Variants in INO80C observed in about 807,000 individuals in gnomAD.
INO80C encodes INO80 complex subunit C, also known as IES6 homolog.
Under a neutral mutation model 17.7 loss-of-function variants are expected in INO80C, and 17 were observed. That is an observed-to-expected ratio of 0.96 (90% CI 0.66 to 1.44). INO80C has a LOEUF of 1.44. Ranked by LOEUF, INO80C falls within the 40% of genes most tolerant of loss-of-function variation. The probability of loss-of-function intolerance (pLI) is 0.00; values close to 1 mark genes in which losing one functional copy is unlikely to be tolerated. For missense variants in INO80C, 244 were observed against 245.0 expected (o/e 1.00, Z 0.03); for synonymous variants, 96 against 95.8 (o/e 1.00, Z -0.01).
At chr18:35,497,413 GAC>G in intron 1 of INO80C, 1 of 1,138,472 alleles carries the variant, frequency 8.8e-7, no homozygotes, top group African/African-American at 1.6e-5. Context: ...CTGAATGACT[GAC>G]ACTCATTAGT....
chr18:35,486,786 TA>T lies in INO80C; in HGVS notation c.157-6224del, dbSNP rs374753662. ...GGCAACATAGCAATACCCAATTTCT[TA>T]AAAAAAAAAAAAAAAAAAAAAAAAT... On this transcript the variant is annotated intron_variant, in intron 1 of 4. Coordinates refer to ENST00000334598, the MANE Select transcript of INO80C (RefSeq NM_194281.4). Among the ~76,000 whole-genome samples the T allele has an allele frequency of 6.8e-3, 545 of 79,658 alleles. 3 individuals carry two copies. The highest frequency in any genetic ancestry group is 0.017 in the African/African-American group (330 of 18,956). 52.3% of individuals were successfully genotyped at this position (79,658 alleles called of 152,430 possible).
At position 35,468,486 on chromosome 18, in the gene INO80C, C is replaced by A. The variant is rs2045629002; in HGVS notation, c.*125G>T. On this transcript the variant is annotated 3_prime_UTR_variant, in exon 5 of 5. Transcript: ENST00000334598. Reference sequence around the variant, plus strand: ...AACCCTTAAATTAAAGCCAAACATTCTTTCCAAGGCACAGCACTGGCATTT... The same window carrying A: ...AACCCTTAAATTAAAGCCAAACATTATTTCCAAGGCACAGCACTGGCATTT... The A allele has an allele frequency of 2.7e-6, 4 of 1,483,288 alleles. No individual in the cohort carries two copies. Among genetic ancestry groups the A allele is most frequent in the African/African-American group, 2.8e-5 (2 of 70,540 alleles). 91.9% of individuals were successfully genotyped at this position (1,483,288 alleles called of 1,614,324 possible).
At chr18:35,492,852 G>A (rs1415664416) in intron 1 of INO80C, among the ~76,000 whole-genome samples, 1 of 152,160 alleles carries the variant, frequency 6.6e-6, no homozygotes, top group African/African-American at 2.4e-5. Flanking sequence ...AGATTTCTCA[G>A]TACATTTTAT....
intron 4 of INO80C, among the ~76,000 whole-genome samples, chr18:35,469,999 C>A (rs1443250159): frequency 6.6e-6 from 1 of 152,162 alleles, no homozygotes; most frequent in East Asian, 1.9e-4. Flanking sequence ...AGCACATGGG[C>A]TTCTACGGAT....
chr18:35,497,720 T>A lies in INO80C; in HGVS notation c.155A>T (p.Gln52Leu), dbSNP rs2045999608. 6.2e-7 allele frequency: 1 copy of A among 1,611,338 alleles called. No homozygotes were observed. Among genetic ancestry groups the A allele is most frequent in the Non-Finnish European group, 8.5e-7 (1 of 1,179,068 alleles). The change falls in exon 1 of 5, where the codon CAG (glutamine) becomes CTG (leucine). Residue 52 changes from glutamine (Q) to leucine (L), a missense_variant and splice_region_variant. Coordinates refer to ENST00000334598, the MANE Select transcript of INO80C (RefSeq NM_194281.4). ...CAGCCTGGGAGCGCGACTGCGTACC[T>A]GCGCAAAGCTGGAAGCGGACGCTTT... is the stretch of plus-strand genomic sequence containing the variant. ...KKKASASSFA[Q>L]GISMEAMSEN...
At chr18:35,478,682 G>C (rs1431181604) in intron 3 of INO80C, among the ~76,000 whole-genome samples, 1 of 152,098 alleles carries the variant, frequency 6.6e-6, no homozygotes, top group Non-Finnish European at 1.5e-5. Context: ...TGCCAAATGA[G>C]CCAATAACTG....
intron 1 of INO80C, among the ~76,000 whole-genome samples, chr18:35,488,525 C>T (rs556367832): frequency 9.9e-5 from 15 of 152,278 alleles, no homozygotes; most frequent in African/African-American, 3.1e-4. Context: ...GGCTGGAACA[C>T]AGGGCACCAA....
intron 4 of INO80C, among the ~76,000 whole-genome samples, chr18:35,475,632 C>CA (rs1371078519): frequency 4.6e-5 from 7 of 151,580 alleles, no homozygotes; most frequent in Admixed American, 4.6e-4. Flanking sequence ...AAGATGGCAT[C>CA]ACTGCACTCC....
Position 35,468,355 on chromosome 18 carries a change from T to G in INO80C, c.*256A>C. ...GGATAAATGAAAAGTATGGTTTTAT[T>G]GTATCTTCTTGTCAAACACCTTTAC... is the stretch of plus-strand genomic sequence containing the variant. On this transcript the variant is annotated 3_prime_UTR_variant, in exon 5 of 5. Transcript: ENST00000334598. The G allele has an allele frequency of 1.5e-6, 2 of 1,313,884 alleles. No individual in the cohort carries two copies. The highest frequency in any genetic ancestry group is 1.9e-6 in the Non-Finnish European group (2 of 1,027,196). 81.4% of individuals were successfully genotyped at this position (1,313,884 alleles called of 1,614,324 possible). A position where few individuals can be genotyped will look rare whatever the true frequency, so the allele number is the denominator to read the frequency against.
chr18:35,484,329 A>C (rs1207260622), intron 1 of INO80C, among the ~76,000 whole-genome samples: 1 of 152,216 alleles, frequency 6.6e-6, no homozygotes, highest in African/African-American at 2.4e-5. Flanking sequence ...ACAGAAATAC[A>C]TAGAGAGGTG....
chr18:35,480,880 T>C (rs1358518967), intron 1 of INO80C, among the ~76,000 whole-genome samples: 1 of 152,246 alleles, frequency 6.6e-6, no homozygotes, highest in Non-Finnish European at 1.5e-5. Flanking sequence ...CAGTAGGTGC[T>C]ATTATCCCCA....
At chr18:35,481,077 C>T (rs1439670340) in intron 1 of INO80C, among the ~76,000 whole-genome samples, 1 of 152,092 alleles carries the variant, frequency 6.6e-6, no homozygotes, top group Non-Finnish European at 1.5e-5. Flanking sequence ...AGGTCCAGCC[C>T]CTTTAAGGGT....
Position 35,468,673 on chromosome 18 carries a change from G to A in INO80C, c.517C>T (p.Leu173=). 6.2e-7 allele frequency: 1 copy of A among 1,614,098 alleles called. No homozygotes were observed. The highest frequency in any genetic ancestry group is 8.5e-7 in the Non-Finnish European group (1 of 1,179,974). The change falls in exon 5 of 5, where the codon CTG becomes TTG. Residue 173 remains leucine (L), a synonymous_variant. Transcript: ENST00000334598. The part of the protein sequence containing the change: ...TIEEFSYIRR[L]PSDVVTGYLA... Reference sequence around the variant, plus strand: ...TAGCCGGTGACGACGTCAGAGGGCAGCCTCCGAATGTAGGAAAACTCTTCA... The same window carrying A: ...TAGCCGGTGACGACGTCAGAGGGCAACCTCCGAATGTAGGAAAACTCTTCA...
intron 1 of INO80C, among the ~76,000 whole-genome samples, chr18:35,493,751 A>G (rs1258551587): frequency 1.3e-5 from 2 of 152,220 alleles, no homozygotes; most frequent in African/African-American, 2.4e-5. Context: ...ATGATAATTC[A>G]AGTTATCTTT....
chr18:35,489,680 T>C (rs11659874), intron 1 of INO80C, among the ~76,000 whole-genome samples: 29,659 of 152,146 alleles, frequency 0.19, 3,699 homozygotes, highest in Middle Eastern at 0.33. Flanking sequence ...GACAACTAAA[T>C]ACAACGTGTG....
intron 4 of INO80C, among the ~76,000 whole-genome samples, chr18:35,474,847 A>G (rs1190679387): frequency 6.6e-6 from 1 of 152,220 alleles, no homozygotes; most frequent in African/African-American, 2.4e-5. Flanking sequence ...GAACTTGAAG[A>G]CACATCAGTA....
intron 1 of INO80C, among the ~76,000 whole-genome samples, chr18:35,496,183 A>G (rs1027890069): frequency 1.3e-5 from 2 of 152,238 alleles, no homozygotes; most frequent in Non-Finnish European, 2.9e-5. Flanking sequence ...GAAAGCATCT[A>G]TCTACACAAA....
At chr18:35,480,620 A>G in intron 1 of INO80C, 57 bp from the exon 2 acceptor site, 2 of 1,273,208 alleles carry the variant, frequency 1.6e-6, no homozygotes, top group Admixed American at 3.4e-5. Context: ...TGAGTTCCCC[A>G]CCTCTGCTCT....
chr18:35,473,099 A>C (rs1287298345), intron 4 of INO80C, among the ~76,000 whole-genome samples: 1 of 152,200 alleles, frequency 6.6e-6, no homozygotes, highest in Non-Finnish European at 1.5e-5. Context: ...GAGCTGCCTG[A>C]AACAATAAGG....
Sources: allele counts gnomAD v4.1 joint callset (sites outside exome capture counted in the v4.1 genomes callset), GRCh38; gene constraint gnomAD v4.1.1; transcripts MANE v1.5; gene names NCBI Gene and HGNC (gene_info 2026-07-23, HGNC 2026-07-21).